Variants in GPR176 observed in about 807,000 individuals in gnomAD.
GPR176 encodes G protein-coupled receptor 176.
Under a neutral mutation model 35.4 loss-of-function variants are expected in GPR176, and 26 were observed. The ratio of observed to expected loss-of-function variants is 0.74; its 90% CI spans 0.54 to 1.02. The LOEUF (loss-of-function observed/expected upper bound fraction) is 1.02, where lower values mean the gene tolerates loss of function less well. GPR176 is among the 50% of genes least tolerant of loss of function. GPR176 has a pLI of 0.00. For synonymous variants in GPR176, 278 were observed against 271.3 expected (o/e 1.02, Z -0.24); for missense variants, 597 against 665.3 (o/e 0.90, Z 1.13).
rs370434405 is a variant in GPR176 at position 39,825,759 on chromosome 15, AG to A, written c.173-18502del. On this transcript the variant is annotated intron_variant, in intron 1 of 2. Transcript: ENST00000561100. ...TTCCCCAAAAATTCCTGCCTGCAGC[AG>A]GTGCTATCACATCTCACTGATTTTT... Among the ~76,000 whole-genome samples the A allele has an allele frequency of 1.1e-4, 17 of 152,346 alleles. No individual in the cohort carries two copies. The South Asian group carries it at 2.9e-3, about 26-fold the overall frequency.
chr15:39,858,193 C>T (rs534395515), intron 1 of GPR176, among the ~76,000 whole-genome samples: 2 of 152,006 alleles, frequency 1.3e-5, no homozygotes, highest in East Asian at 3.9e-4. Flanking sequence ...ACGGTGCTTA[C>T]TGGCAGAAAA....
chr15:39,877,561 TTTTTTG>T (rs1447325749), intron 1 of GPR176, among the ~76,000 whole-genome samples: 1 of 151,528 alleles, frequency 6.6e-6, no homozygotes, highest in African/African-American at 2.4e-5. Flanking sequence ...TTTTTTTTTT[TTTTTTG>T]TTTGTTTGTT....
At chr15:39,844,567 C>T (rs915849251) in intron 1 of GPR176, among the ~76,000 whole-genome samples, 4 of 151,776 alleles carry the variant, frequency 2.6e-5, no homozygotes, top group South Asian at 4.2e-4. Flanking sequence ...GAGCCCCCAA[C>T]CCCGTCTGCC....
At chr15:39,914,913 C>T (rs931321994) in intron 1 of GPR176, among the ~76,000 whole-genome samples, 9 of 152,194 alleles carry the variant, frequency 5.9e-5, no homozygotes, top group African/African-American at 2.2e-4. Context: ...CTTGCTGGTA[C>T]CCCATATGAT....
chr15:39,842,411 C>T (rs2030072258), intron 1 of GPR176, among the ~76,000 whole-genome samples: 1 of 152,124 alleles, frequency 6.6e-6, no homozygotes, highest in African/African-American at 2.4e-5. Context: ...ATCCAATCAC[C>T]TCCCAACAGG....
chr15:39,850,786 T>G (rs769182636), intron 1 of GPR176, among the ~76,000 whole-genome samples: 5 of 151,974 alleles, frequency 3.3e-5, no homozygotes, highest in Non-Finnish European at 5.9e-5. Flanking sequence ...TATAGTTAGC[T>G]CAAAATAAAA....
Position 39,807,547 on chromosome 15 carries a change from A to G in GPR176, c.173-289T>C, listed in dbSNP as rs143845988. 1,214 of 1,522,366 alleles carry G rather than the reference A, an allele frequency of 8.0e-4. 15 individuals carry two copies. In the Admixed American group the frequency reaches 0.021, roughly 27 times the overall value. 94.3% of individuals were successfully genotyped at this position (1,522,366 alleles called of 1,614,324 possible). A position where few individuals can be genotyped will look rare whatever the true frequency, so the allele number is the denominator to read the frequency against. On this transcript the variant is annotated intron_variant, in intron 1 of 2. Transcript: ENST00000561100. ...CGATGGCTTAGTCTCATCAGTGTAT[A>G]AACAATTTGCTAGTTATTACTTAAT...
chr15:39,801,701 C>A lies in GPR176; in HGVS notation c.979G>T (p.Val327Phe), dbSNP rs3743126. 8 of 1,613,690 alleles carry A rather than the reference C, an allele frequency of 5.0e-6. No homozygotes were observed. In the East Asian group the frequency reaches 1.6e-4, roughly 31 times the overall value. The change falls in exon 3 of 3, where the codon GTC becomes TTC. Residue 327 changes from valine (V) to phenylalanine (F), a missense_variant. Physicochemically the swap from Val to Phe is conservative, Grantham distance 50 (BLOSUM62 -1). Around this residue, in one of 3 missense-constraint regions of GPR176, gnomAD observed 251 missense variants for 255.4 expected, o/e 0.98. Coordinates refer to ENST00000561100, the MANE Select transcript of GPR176 (RefSeq NM_007223.3). ...AGGGTCCCTATCAAGCACTTGCGGA[C>A]AGATTTGTTCACAGTAAGAAAGAGA... ...PVLFLTVNKS[V>F]RKCLIGTLVQ... is the part of the protein sequence containing the mutation.
At chr15:39,826,234 T>C (rs1244160729) in intron 1 of GPR176, among the ~76,000 whole-genome samples, 4 of 152,080 alleles carry the variant, frequency 2.6e-5, no homozygotes, top group Non-Finnish European at 5.9e-5. Context: ...CCGAGAGACA[T>C]GCCATCTGGG....
At chr15:39,821,546 T>C (rs2140811081) in intron 1 of GPR176, among the ~76,000 whole-genome samples, 1 of 152,328 alleles carries the variant, frequency 6.6e-6, no homozygotes, top group Middle Eastern at 3.4e-3. Flanking sequence ...ATTTTAATAT[T>C]ACCCTAAGTA....
intron 1 of GPR176, among the ~76,000 whole-genome samples, chr15:39,831,722 A>C (rs190138738): frequency 6.6e-6 from 1 of 152,160 alleles, no homozygotes; most frequent in Admixed American, 6.5e-5. Flanking sequence ...CAAACCTCGT[A>C]ATTTCTTGAT....
In GPR176 at chr15:39,801,397, A is replaced by T; in HGVS notation, c.1283T>A (p.Val428Glu). 1 of 1,614,214 alleles carries T rather than the reference A, an allele frequency of 6.2e-7. No homozygotes were observed. The highest frequency in any genetic ancestry group is 1.3e-5 in the African/African-American group (1 of 75,054). The change falls in exon 3 of 3, where the codon GTG becomes GAG. Residue 428 changes from valine (V) to glutamate (E), a missense_variant. Around this residue, in one of 3 missense-constraint regions of GPR176, gnomAD observed 251 missense variants for 255.4 expected, o/e 0.98. Coordinates refer to ENST00000561100, the MANE Select transcript of GPR176 (RefSeq NM_007223.3). ...FAPSAPPLST[V>E]DSVSQVAPAA... ...CGGTGCCACCTGGGATACAGAGTCC[A>T]CTGTGCTCAGGGGTGGGGCAGAGGG...
At chr15:39,863,353 T>C (rs1455152673) in intron 1 of GPR176, among the ~76,000 whole-genome samples, 2 of 151,424 alleles carry the variant, frequency 1.3e-5, no homozygotes, top group Non-Finnish European at 2.9e-5. Context: ...GTTTAAAAAA[T>C]AAAAATTTTT....
chr15:39,844,644 T>C (rs754140979), intron 1 of GPR176, among the ~76,000 whole-genome samples: 1 of 151,574 alleles, frequency 6.6e-6, no homozygotes, highest in African/African-American at 2.4e-5. Flanking sequence ...ATAGGCTACA[T>C]AGATCCAGGC....
chr15:39,873,852 C>T (rs2032143182), intron 1 of GPR176, among the ~76,000 whole-genome samples: 1 of 151,956 alleles, frequency 6.6e-6, no homozygotes, highest in South Asian at 2.1e-4. Flanking sequence ...ACATCTTTAT[C>T]ACCAAGCAGA....
chr15:39,809,351 C>A (rs1899391196), intron 1 of GPR176, among the ~76,000 whole-genome samples: 1 of 152,100 alleles, frequency 6.6e-6, no homozygotes, highest in Admixed American at 6.6e-5. Context: ...ATACCCAATA[C>A]CCATTTGGTT....
chr15:39,890,882 T>C (rs2140858583), intron 1 of GPR176, among the ~76,000 whole-genome samples: 1 of 152,352 alleles, frequency 6.6e-6, no homozygotes, highest in African/African-American at 2.4e-5. Context: ...CATAAGGCCA[T>C]ATACTAAATT....
chr15:39,894,884 G>A (rs518567), intron 1 of GPR176, among the ~76,000 whole-genome samples: 82 of 152,314 alleles, frequency 5.4e-4, no homozygotes, highest in African/African-American at 1.8e-3. Context: ...GCAGGCGGCT[G>A]GGAGGTGGAG....
At chr15:39,871,647 C>G (rs1455563218) in intron 1 of GPR176, among the ~76,000 whole-genome samples, 1 of 152,204 alleles carries the variant, frequency 6.6e-6, no homozygotes, top group South Asian at 2.1e-4. Context: ...TAATACTCTA[C>G]TGTAGTTCCT....
Sources: gnomAD v4.1 joint callset for allele counts (sites outside exome capture counted in the v4.1 genomes callset) on GRCh38, gnomAD v4.1.1 for gene constraint, gnomAD v4.1.1 regional missense constraint, MANE v1.5 for transcripts, NCBI Gene and HGNC (gene_info 2026-07-23, HGNC 2026-07-21) for gene names.